Variants in SEC31B observed in about 807,000 individuals in gnomAD.
The protein encoded by SEC31B is protein transport protein Sec31B.
In SEC31B, 113 loss-of-function variants were observed where a neutral mutation model predicts 135.0. The observed-to-expected ratio is 0.84, with a 90% CI of 0.72 to 0.98. The LOEUF (loss-of-function observed/expected upper bound fraction) is 0.98, where lower values mean the gene tolerates loss of function less well. Ranked by LOEUF, SEC31B falls within the 50% of genes least tolerant of loss-of-function variation. The pLI is 0.00. For synonymous variants in SEC31B, 508 were observed against 549.4 expected, an observed-to-expected ratio of 0.92 and a Z score of 1.05; for missense variants, 1,296 against 1,421.1, an observed-to-expected ratio of 0.91 and a Z score of 1.42.
chr10:100,507,394 C>G (rs758788480), intron 7 of SEC31B, 31 bp downstream of exon 7: 25 of 1,613,886 alleles, frequency 1.5e-5, no homozygotes, highest in Admixed American at 3.3e-5. Flanking sequence ...CACCATCCCC[C>G]CAAGGATATG....
rs763570749 is a variant in SEC31B, at chr10:100,509,359, TTC to T, written c.354_355del (p.Lys119AlafsTer26). On this transcript the variant is annotated frameshift_variant, in exon 4 of 26. Transcript: ENST00000370345. LOFTEE classifies it high-confidence loss of function. ...GAGGGCTCTGACAGCCCCCGTGTGC[TTC>T]TGTTTCTGAGCAATCACAGGCTCCT... is the stretch of plus-strand genomic sequence containing the variant. 14 of 1,613,952 alleles carry T rather than the reference TTC, an allele frequency of 8.7e-6. No homozygotes were observed. The Admixed American group carries it at 2.2e-4, about 25-fold the overall frequency.
rs186231113 is a variant in SEC31B, at chr10:100,513,951, G to A, written c.203+2145C>T. On this transcript the variant is annotated intron_variant, in intron 3 of 25. Transcript: ENST00000370345. ...TATAATCCCAGCACTTTGGGAGGCC[G>A]AGGTGGTTGGATCACCTGAGGTCAG... Among the ~76,000 whole-genome samples the A allele has an allele frequency of 2.3e-3, 354 of 152,002 alleles. 4 individuals carry two copies. The highest frequency in any genetic ancestry group is 8.1e-3 in the African/African-American group (338 of 41,490).
intron 17 of SEC31B, 66 bp downstream of exon 17, chr10:100,497,069 C>T: frequency 6.3e-7 from 1 of 1,580,684 alleles, no homozygotes; most frequent in Non-Finnish European, 8.7e-7. Context: ...TAGCTCTGCA[C>T]ATCTCCACCA....
At chr10:100,511,059 A>G (rs947067267) in intron 3 of SEC31B, among the ~76,000 whole-genome samples, 10 of 152,248 alleles carry the variant, frequency 6.6e-5, no homozygotes, top group African/African-American at 2.2e-4. Flanking sequence ...GTCGGAACAC[A>G]TGACATACAG....
chr10:100,499,268 G>C lies in SEC31B; in HGVS notation c.1486-10C>G. ...TCAACCATGTGGCCACCTGCAGGGA[G>C]AGACCTCTGAAAACCGCTCTTTCAA... On this transcript the variant is annotated splice_polypyrimidine_tract_variant and intron_variant, in intron 12 of 25. Transcript: ENST00000370345. 5 of 1,604,728 alleles carry C rather than the reference G, an allele frequency of 3.1e-6. No homozygotes were observed. The highest frequency in any genetic ancestry group is 4.3e-6 in the Non-Finnish European group (5 of 1,174,152).
chr10:100,492,005 AAC>A (rs1405539261), intron 19 of SEC31B, among the ~76,000 whole-genome samples: 1 of 152,238 alleles, frequency 6.6e-6, no homozygotes, highest in African/African-American at 2.4e-5. Flanking sequence ...TGGACTCCAG[AAC>A]CATAAGAAAT....
intron 19 of SEC31B, among the ~76,000 whole-genome samples, chr10:100,494,005 AGAAAGGGAGGGAG>A (rs796390401): frequency 1.3e-5 from 2 of 150,040 alleles, no homozygotes; most frequent in Admixed American, 6.6e-5. Context: ...AAGGGAGGGA[AGAAAGGGAGGGAG>A]GAAAGGGAGG....
intron 22 of SEC31B, 140 bp downstream of exon 22, chr10:100,489,563 A>T: frequency 7.2e-7 from 1 of 1,384,000 alleles, no homozygotes; most frequent in Middle Eastern, 2.3e-4. Flanking sequence ...GAGAAAGAAG[A>T]GGGTTCTGAG....
chr10:100,515,101 G>A (rs768012085), intron 3 of SEC31B, among the ~76,000 whole-genome samples: 1 of 151,260 alleles, frequency 6.6e-6, no homozygotes, highest in Non-Finnish European at 1.5e-5. Context: ...GACCAGCCTG[G>A]GCAACATGGC....
chr10:100,498,641 C>A, intron 14 of SEC31B, 64 bp downstream of exon 14: 1 of 1,247,654 alleles, frequency 8.0e-7, no homozygotes. Flanking sequence ...TGTCTCAAGT[C>A]CAAAACCTCC....
rs745484505 is a variant in SEC31B, at chr10:100,509,417, A to T, written c.298T>A (p.Tyr100Asn). Reference protein sequence around the residue: ...GGGDNGMLILYNVTHILSSGK... With the variant: ...GGGDNGMLILNNVTHILSSGK... Reference sequence around the variant, plus strand: ...GAAGACAGGATGTGGGTCACATTGTATAGAATAAGCATGCCATTGTCCCCG... The same window carrying T: ...GAAGACAGGATGTGGGTCACATTGTTTAGAATAAGCATGCCATTGTCCCCG... The change falls in exon 4 of 26, where the codon TAC becomes AAC. Residue 100 changes from tyrosine (Y) to asparagine (N), a missense_variant. Tyr to Asn is a moderately radical substitution (Grantham distance 143). Transcript: ENST00000370345. The T allele has an allele frequency of 2.9e-5, 47 of 1,614,022 alleles. No homozygotes were observed. Among genetic ancestry groups the T allele is most frequent in the Non-Finnish European group, 4.0e-5 (47 of 1,180,024 alleles).
chr10:100,497,893 A>AG, intron 15 of SEC31B, 100 bp from the exon 16 acceptor site: 1 of 1,596,756 alleles, frequency 6.3e-7, no homozygotes, highest in Non-Finnish European at 8.6e-7. Context: ...AGTAGGGGCA[A>AG]GGGATGAGGT....
At chr10:100,514,980 C>CAAAAA (rs1232368371) in intron 3 of SEC31B, among the ~76,000 whole-genome samples, 2 of 63,950 alleles carry the variant, frequency 3.1e-5, no homozygotes, top group Admixed American at 1.9e-4. Flanking sequence ...GACTCCATCT[C>CAAAAA]AAAAAAAAAA....
chr10:100,512,210 A>T (rs892487559), intron 3 of SEC31B, among the ~76,000 whole-genome samples: 1 of 152,194 alleles, frequency 6.6e-6, no homozygotes, highest in South Asian at 2.1e-4. Context: ...TACTTTCTCC[A>T]TGTTACTTGA....
chr10:100,496,512 C>A (rs1307652328), intron 17 of SEC31B, 81 bp from the exon 18 acceptor site: 4 of 1,460,364 alleles, frequency 2.7e-6, no homozygotes, highest in African/African-American at 1.4e-5. Context: ...ATTCAGGGAT[C>A]TCCCACTATG....
chr10:100,489,847 G>A (rs1169994960), intron 21 of SEC31B, 86 bp from the exon 22 acceptor site: 9 of 1,597,390 alleles, frequency 5.6e-6, no homozygotes, highest in Non-Finnish European at 6.8e-6. Context: ...CATTCTTTGA[G>A]TTGGAGTTCA....
At chr10:100,499,671 G>A in intron 11 of SEC31B, 73 bp from the exon 12 acceptor site, 1 of 1,138,486 alleles carries the variant, frequency 8.8e-7, no homozygotes, top group Non-Finnish European at 1.3e-6. Flanking sequence ...AACAAGCTGG[G>A]TATCTGTGCC....
intron 17 of SEC31B, 104 bp downstream of exon 17, chr10:100,497,031 C>T (rs1851422720): frequency 7.1e-7 from 1 of 1,411,792 alleles, no homozygotes; most frequent in African/African-American, 1.4e-5. Flanking sequence ...ACCGTGGTTC[C>T]AGCCTGTCCC....
chr10:100,488,723 A>T, intron 24 of SEC31B, 135 bp downstream of exon 24: 3 of 1,216,416 alleles, frequency 2.5e-6, no homozygotes, highest in South Asian at 4.0e-5. Flanking sequence ...CATGGACGTC[A>T]ATTAAGTACA....
Sources: allele counts gnomAD v4.1 joint callset (sites outside exome capture counted in the v4.1 genomes callset), GRCh38; gene constraint gnomAD v4.1.1; transcripts MANE v1.5; gene names NCBI Gene and HGNC (gene_info 2026-07-23, HGNC 2026-07-21).